HECTD4: variants seen among roughly 807,000 people sequenced by gnomAD.
HECTD4 encodes probable E3 ubiquitin-protein ligase HECTD4.
In HECTD4, 114 loss-of-function variants were observed where a neutral mutation model predicts 471.5. That is an observed-to-expected ratio of 0.24 (90% CI 0.21 to 0.28). The LOEUF (loss-of-function observed/expected upper bound fraction) is 0.28, where lower values mean the gene tolerates loss of function less well. Among genes scored for constraint, HECTD4 ranks in the 10% least tolerant of loss-of-function variants. The probability of loss-of-function intolerance (pLI) is 1.00; values close to 1 mark genes in which losing one functional copy is unlikely to be tolerated. For missense variants in HECTD4, 3,866 were observed against 5,651.5 expected (o/e 0.68, Z 10.13); for synonymous variants, 2,012 against 2,256.0 (o/e 0.89, Z 3.07).
In HECTD4 at chr12:112,228,626, A is replaced by G. The variant is rs777697083; in HGVS notation, c.6684+21T>C. On this transcript the variant is annotated intron_variant, in intron 42 of 75. Coordinates refer to ENST00000682272, the MANE Select transcript of HECTD4 (RefSeq NM_001388303.1). This position sits in a 1 kb window ranked among gnomAD's most constrained non-coding sequence, Gnocchi z 4.9. ...GTTACCATTGGCAGACATTTTACAA[A>G]GCATTTAAAAATCACCTTACCTCTG... 2.5e-6 allele frequency: 4 copies of G among 1,591,276 alleles called. No homozygotes were observed. The highest frequency in any genetic ancestry group is 1.7e-4 in the Middle Eastern group (1 of 5,972).
chr12:112,250,048 G>C, intron 25 of HECTD4, 96 bp downstream of exon 25: 1 of 870,894 alleles, frequency 1.1e-6, no homozygotes, highest in Admixed American at 2.3e-5. Context: ...TAAAATTAAA[G>C]TTTCATTTAC....
chr12:112,309,330 C>G (rs2035329436), intron 5 of HECTD4, among the ~76,000 whole-genome samples: 1 of 152,180 alleles, frequency 6.6e-6, no homozygotes. Flanking sequence ...AAACAATGAT[C>G]TTGGGGCTAC....
intron 8 of HECTD4, among the ~76,000 whole-genome samples, chr12:112,280,997 G>A (rs1361599928): frequency 6.6e-6 from 1 of 151,896 alleles, no homozygotes; most frequent in Non-Finnish European, 1.5e-5. Flanking sequence ...CACCATGTTG[G>A]CCAGGCTGGT....
intron 20 of HECTD4, chr12:112,256,781 T>A: frequency 3.9e-6 from 1 of 255,820 alleles, no homozygotes; most frequent in Non-Finnish European, 7.3e-6. Context: ...TATATTTTCA[T>A]TTTTCCCTCT....
chr12:112,192,410 A>T, intron 59 of HECTD4, 150 bp downstream of exon 59: 1 of 558,590 alleles, frequency 1.8e-6, no homozygotes, highest in East Asian at 3.1e-5. Flanking sequence ...TAAAAGAAGC[A>T]GCAGTTTCTT....
chr12:112,260,754 T>C (rs951759155), intron 18 of HECTD4, among the ~76,000 whole-genome samples: 38 of 151,600 alleles, frequency 2.5e-4, no homozygotes, highest in African/African-American at 9.2e-4. Context: ...TTTTTTTTTT[T>C]TTTTTTGTAT....
intron 1 of HECTD4, among the ~76,000 whole-genome samples, chr12:112,359,466 C>T (rs2036410724): frequency 6.6e-6 from 1 of 152,200 alleles, no homozygotes; most frequent in African/African-American, 2.4e-5. Flanking sequence ...GTCGCCCACA[C>T]TGGAGTGCAG....
chr12:112,338,918 C>A (rs768641339), intron 1 of HECTD4, among the ~76,000 whole-genome samples: 1 of 152,118 alleles, frequency 6.6e-6, no homozygotes, highest in Non-Finnish European at 1.5e-5. Context: ...ACCAAGAATA[C>A]GCCCCTATGA....
intron 72 of HECTD4, among the ~76,000 whole-genome samples, chr12:112,165,136 G>A (rs1318599484): frequency 6.7e-6 from 1 of 149,742 alleles, no homozygotes; most frequent in Non-Finnish European, 1.5e-5. Flanking sequence ...GGCCAGGCTG[G>A]TCTTGAACTC....
intron 44 of HECTD4, among the ~76,000 whole-genome samples, chr12:112,223,507 C>T (rs1403131715): frequency 6.6e-6 from 1 of 152,194 alleles, no homozygotes; most frequent in African/African-American, 2.4e-5. Context: ...GCAACCTCCA[C>T]CTCCTGGGAT....
intron 1 of HECTD4, among the ~76,000 whole-genome samples, chr12:112,320,426 G>A (rs979815885): frequency 5.9e-5 from 9 of 152,052 alleles, no homozygotes; most frequent in African/African-American, 2.2e-4. Context: ...TAGGACAGGC[G>A]CGGTGGCTCA....
At position 112,261,405 on chromosome 12, in the gene HECTD4, G is replaced by A. The variant is rs2034141955; in HGVS notation, c.2773C>T (p.Leu925Phe). Residue 925 changes from leucine to phenylalanine, a missense_variant, in exon 18 of 76, where the codon CTT becomes TTT. By Grantham distance (22) the Leu-to-Phe change is conservative (BLOSUM62 0). Around this residue, in one of 16 missense-constraint regions of HECTD4, gnomAD observed 525 missense variants for 672.6 expected, o/e 0.78. Transcript: ENST00000682272. Reference protein sequence around the residue: ...VQELKVSILALATQILTGCDE... With the variant: ...VQELKVSILAFATQILTGCDE... ...CATCCAGTCAGGATTTGGGTGGCAA[G>A]AGCCAAAATACTGACTTTTAGCTCC... 6.2e-7 allele frequency: 1 copy of A among 1,609,546 alleles called. No homozygotes were observed. Among genetic ancestry groups the A allele is most frequent in the African/African-American group, 1.3e-5 (1 of 74,842 alleles).
Position 112,163,378 on chromosome 12 carries a change from G to A in HECTD4, c.12898-114C>T. 1 of 1,111,494 alleles carries A rather than the reference G, an allele frequency of 9.0e-7. No individual in the cohort carries two copies. The highest frequency in any genetic ancestry group is 1.6e-5 in the African/African-American group (1 of 63,622). 68.9% of individuals were successfully genotyped at this position (1,111,494 alleles called of 1,614,324 possible). On this transcript the variant is annotated intron_variant, in intron 74 of 75. Coordinates refer to ENST00000682272, the MANE Select transcript of HECTD4 (RefSeq NM_001388303.1). This position sits in a 1 kb window ranked among gnomAD's most constrained non-coding sequence, Gnocchi z 8.2. ...TCCTGGGGCAGGGTGCAACGTGTGG[G>A]CTGTGAGCACAGGGAGATGACAATG...
At chr12:112,204,271 C>T (rs1390209369) in intron 53 of HECTD4, among the ~76,000 whole-genome samples, 1 of 152,214 alleles carries the variant, frequency 6.6e-6, no homozygotes, top group Non-Finnish European at 1.5e-5. Flanking sequence ...CAGCTGCCTG[C>T]CCCACTCAGC....
rs765590750 is a variant in HECTD4, at chr12:112,195,080, G to C, written c.8568-14C>G. 1.9e-6 allele frequency: 3 copies of C among 1,580,360 alleles called. No homozygotes were observed. The highest frequency in any genetic ancestry group is 2.6e-6 in the Non-Finnish European group (3 of 1,164,670). On this transcript the variant is annotated splice_polypyrimidine_tract_variant and intron_variant, in intron 55 of 75. Coordinates refer to ENST00000682272, the MANE Select transcript of HECTD4 (RefSeq NM_001388303.1). ...CGCAGCAGCTCCCTGCAAGGGAAAA[G>C]GTGGGTGAGATACTCAAAGCCCTGA...
Position 112,228,270 on chromosome 12 carries a change from G to C in HECTD4, c.6685-12C>G. ...TGAAGAGGCAATGCCTGATGGCGGTGGGGGGGCATGGCAAAAAGTTAAATT... is the reference window on the plus strand; with the variant it reads ...TGAAGAGGCAATGCCTGATGGCGGTCGGGGGGCATGGCAAAAAGTTAAATT... On this transcript the variant is annotated splice_polypyrimidine_tract_variant and intron_variant, in intron 42 of 75. Coordinates refer to ENST00000682272, the MANE Select transcript of HECTD4 (RefSeq NM_001388303.1). This position sits in a 1 kb window ranked among gnomAD's most constrained non-coding sequence, Gnocchi z 4.9. 6.4e-7 allele frequency: 1 copy of C among 1,553,512 alleles called. No individual in the cohort carries two copies. The highest frequency in any genetic ancestry group is 8.7e-7 in the Non-Finnish European group (1 of 1,152,904).
chr12:112,314,384 C>T (rs900108831), intron 3 of HECTD4, 73 bp downstream of exon 3: 329 of 725,978 alleles, frequency 4.5e-4, no homozygotes, highest in Non-Finnish European at 4.7e-4. Flanking sequence ...TAGCAATCTA[C>T]TTAATAAAGG....
chr12:112,217,519 A>C (rs1014463955), intron 45 of HECTD4, among the ~76,000 whole-genome samples: 10 of 152,062 alleles, frequency 6.6e-5, no homozygotes, highest in African/African-American at 2.4e-4. Context: ...ACACCCAGCT[A>C]ATTTTTGTAT....
At chr12:112,232,045 T>G in intron 38 of HECTD4, among the ~76,000 whole-genome samples, 1 of 152,194 alleles carries the variant, frequency 6.6e-6, no homozygotes, top group East Asian at 1.9e-4. Context: ...TACCTCATTG[T>G]TTTTCATAGT....
Sources: gnomAD v4.1 joint callset for allele counts (sites outside exome capture counted in the v4.1 genomes callset) on GRCh38, gnomAD v4.1.1 for gene constraint, gnomAD v4.1.1 regional missense constraint, Gnocchi (gnomAD v3.1) non-coding constraint, MANE v1.5 for transcripts, NCBI Gene and HGNC (gene_info 2026-07-23, HGNC 2026-07-21) for gene names.